FBXL13: variants seen among roughly 807,000 people sequenced by gnomAD.
The protein encoded by FBXL13 is F-box and leucine-rich repeat protein 13.
FBXL13 carries 67 observed loss-of-function variants against 83.6 expected under a neutral mutation model. That is an observed-to-expected ratio of 0.80 (90% CI 0.66 to 0.98). The LOEUF (loss-of-function observed/expected upper bound fraction) is 0.98, where lower values mean the gene tolerates loss of function less well. Ranked by LOEUF, FBXL13 falls within the 50% of genes least tolerant of loss-of-function variation. The pLI is 0.00. For missense variants in FBXL13, 822 were observed against 866.5 expected (o/e 0.95, Z 0.64); for synonymous variants, 272 against 299.5 (o/e 0.91, Z 0.95).
At chr7:102,888,888 C>G (rs1811145099) in intron 11 of FBXL13, among the ~76,000 whole-genome samples, 1 of 152,102 alleles carries the variant, frequency 6.6e-6, no homozygotes, top group African/African-American at 2.4e-5. Context: ...CTGGCTCTAC[C>G]TCTTTCTTGC....
chr7:103,073,222 A>G (rs74542047), intron 1 of FBXL13, among the ~76,000 whole-genome samples: 1,679 of 152,352 alleles, frequency 0.011, 35 homozygotes, highest in African/African-American at 0.039. Flanking sequence ...ATATACACAT[A>G]TATGTACATA....
intron 11 of FBXL13, among the ~76,000 whole-genome samples, chr7:102,891,178 T>G (rs1811492964): frequency 6.6e-6 from 1 of 152,244 alleles, no homozygotes; most frequent in African/African-American, 2.4e-5. Context: ...AAGAGAGGTC[T>G]GGTAATTGTC....
chr7:102,945,705 A>G (rs1020817682), intron 8 of FBXL13, among the ~76,000 whole-genome samples: 4 of 152,212 alleles, frequency 2.6e-5, no homozygotes, highest in African/African-American at 9.6e-5. Flanking sequence ...AAATATTCGC[A>G]TGTCCTTAGT....
chr7:102,937,361 G>T (rs1585035177), intron 8 of FBXL13, among the ~76,000 whole-genome samples: 1 of 139,168 alleles, frequency 7.2e-6, no homozygotes, highest in East Asian at 2.1e-4. Flanking sequence ...AAAAAAAATA[G>T]CCAGGCATGG....
chr7:102,954,984 A>G (rs1432180439), intron 8 of FBXL13, among the ~76,000 whole-genome samples: 7 of 152,136 alleles, frequency 4.6e-5, no homozygotes, highest in Non-Finnish European at 2.9e-5. Context: ...ATAGATCAAC[A>G]AGAAAGAAGG....
In FBXL13 at chr7:103,021,839, G is replaced by A. The variant is rs949943791; in HGVS notation, c.495+3224C>T. Among the ~76,000 whole-genome samples, 5 of 152,274 alleles carry A rather than the reference G, an allele frequency of 3.3e-5. No homozygotes were observed. The South Asian group carries it at 6.2e-4, about 19-fold the overall frequency. ...ATTAAAAAGTCAGGACACAAGTGCT[G>A]GAGAGGATGTGGAGAAATAGTAACA... On this transcript the variant is annotated intron_variant, in intron 6 of 19. Transcript: ENST00000313221.
At chr7:102,879,274 T>A (rs1809668296) in intron 14 of FBXL13, among the ~76,000 whole-genome samples, 1 of 152,184 alleles carries the variant, frequency 6.6e-6, no homozygotes, top group Admixed American at 6.5e-5. Context: ...TGACATCCGT[T>A]TACACCCTCC....
chr7:103,005,039 C>A (rs1396484321), intron 6 of FBXL13, among the ~76,000 whole-genome samples: 3 of 152,092 alleles, frequency 2.0e-5, no homozygotes, highest in Non-Finnish European at 4.4e-5. Context: ...CAACTGAGTA[C>A]CTTGGTTAAG....
chr7:102,969,574 C>T (rs969874598), intron 6 of FBXL13, among the ~76,000 whole-genome samples: 2 of 151,904 alleles, frequency 1.3e-5, no homozygotes, highest in South Asian at 4.2e-4. Flanking sequence ...TTTGGAAGGT[C>T]GAGGCAGGTG....
At chr7:103,012,802 T>C (rs1401389823) in intron 6 of FBXL13, among the ~76,000 whole-genome samples, 2 of 152,216 alleles carry the variant, frequency 1.3e-5, no homozygotes, top group African/African-American at 2.4e-5. Context: ...TCCACATGTA[T>C]CGATACTAAT....
At chr7:102,947,813 G>A (rs756209118) in intron 8 of FBXL13, among the ~76,000 whole-genome samples, 10 of 151,554 alleles carry the variant, frequency 6.6e-5, no homozygotes, top group East Asian at 3.9e-4. Context: ...TTTCCTAGTC[G>A]TAAGATTCTC....
chr7:103,018,909 CA>C (rs1219328204), intron 6 of FBXL13, among the ~76,000 whole-genome samples: 2 of 148,112 alleles, frequency 1.4e-5, no homozygotes, highest in African/African-American at 4.9e-5. Flanking sequence ...CAACATTAGA[CA>C]GATCGAGACA....
intron 3 of FBXL13, among the ~76,000 whole-genome samples, 186 bp downstream of exon 4, chr7:103,029,165 G>A (rs1794249407): frequency 6.6e-6 from 1 of 151,778 alleles, no homozygotes; most frequent in Non-Finnish European, 1.5e-5. Context: ...CCTTAAAGAA[G>A]TAAAATACAT....
At chr7:102,972,946 T>A (rs947667921) in intron 6 of FBXL13, among the ~76,000 whole-genome samples, 1 of 152,156 alleles carries the variant, frequency 6.6e-6, no homozygotes, top group Non-Finnish European at 1.5e-5. Context: ...ATAATTAAAA[T>A]GCATTTATGG....
intron 10 of FBXL13, among the ~76,000 whole-genome samples, chr7:102,920,269 G>GTAA (rs1228837654): frequency 1.3e-5 from 2 of 152,136 alleles, no homozygotes; most frequent in African/African-American, 4.8e-5. Flanking sequence ...GATTATACAA[G>GTAA]TAAACATAGT....
chr7:103,069,314 G>A (rs1008681014), intron 1 of FBXL13, among the ~76,000 whole-genome samples: 1 of 152,240 alleles, frequency 6.6e-6, no homozygotes, highest in Non-Finnish European at 1.5e-5. Context: ...TTGCCCGGCC[G>A]TTGTGCAACC....
intron 6 of FBXL13, among the ~76,000 whole-genome samples, chr7:102,997,788 G>A (rs536138942): frequency 1.3e-5 from 2 of 152,082 alleles, no homozygotes; most frequent in East Asian, 1.9e-4. Context: ...CATTGGGTAC[G>A]TATACCACAT....
intron 6 of FBXL13, among the ~76,000 whole-genome samples, chr7:102,981,615 G>A (rs1828236876): frequency 6.6e-6 from 1 of 152,174 alleles, no homozygotes; most frequent in Non-Finnish European, 1.5e-5. Context: ...GCTAGTGGCT[G>A]GAGGCCTAAG....
chr7:102,925,308 T>C (rs376121202), intron 10 of FBXL13, among the ~76,000 whole-genome samples: 8 of 152,124 alleles, frequency 5.3e-5, no homozygotes, highest in African/African-American at 1.9e-4. Context: ...GGCGGGAGGA[T>C]TGTTTGAAGC....
Sources: gnomAD v4.1 joint callset for allele counts (sites outside exome capture counted in the v4.1 genomes callset) on GRCh38, gnomAD v4.1.1 for gene constraint, MANE v1.5 for transcripts, NCBI Gene and HGNC (gene_info 2026-07-23, HGNC 2026-07-21) for gene names.